The following ITPR3 variants were observed in gnomAD, a reference collection of about 807,000 sequenced individuals.
The protein encoded by ITPR3 is inositol 1,4,5-trisphosphate-gated calcium channel ITPR3.
In ITPR3, 173 loss-of-function variants were observed where a neutral mutation model predicts 293.2. The observed-to-expected ratio is 0.59, with a 90% CI of 0.52 to 0.67. The LOEUF (loss-of-function observed/expected upper bound fraction) is 0.67. Among genes scored for constraint, ITPR3 ranks in the 30% least tolerant of loss-of-function variants. The pLI, the probability that ITPR3 is intolerant of heterozygous loss-of-function variation, is 0.00. For synonymous variants in ITPR3, 1,295 were observed against 1,444.4 expected, an observed-to-expected ratio of 0.90 and a Z score of 2.35; for missense variants, 2,796 against 3,592.1, an observed-to-expected ratio of 0.78 and a Z score of 5.66.
intron 1 of ITPR3, among the ~76,000 whole-genome samples, chr6:33,634,769 G>C (rs1763778293): frequency 6.6e-6 from 1 of 152,142 alleles, no homozygotes; most frequent in African/African-American, 2.4e-5. Flanking sequence ...GTCCAGAGGG[G>C]TGAGGAAAAA....
At chr6:33,689,891 G>T (rs1452111272) in intron 50 of ITPR3, 143 bp from the exon 51 acceptor site, 21 of 894,988 alleles carry the variant, frequency 2.3e-5, no homozygotes, top group Non-Finnish European at 3.4e-5. Flanking sequence ...TGTATTCTGA[G>T]TCCCAGGCGC....
At chr6:33,677,169 C>A in intron 27 of ITPR3, 80 bp downstream of exon 27, 1 of 1,307,444 alleles carries the variant, frequency 7.6e-7, no homozygotes, top group African/African-American at 1.5e-5. Flanking sequence ...GCCCCCTGTG[C>A]CTCTCCCTGT....
chr6:33,630,332 T>G (rs1763645996), intron 1 of ITPR3, among the ~76,000 whole-genome samples: 1 of 152,198 alleles, frequency 6.6e-6, no homozygotes, highest in African/African-American at 2.4e-5. Flanking sequence ...CAGGGCGAGT[T>G]GGCCTGAGGG....
At chr6:33,685,603 G>C (rs756215106) in intron 40 of ITPR3, 40 bp from the exon 41 acceptor site, 3 of 1,587,216 alleles carry the variant, frequency 1.9e-6, no homozygotes, top group Non-Finnish European at 2.6e-6. Context: ...GGGTGGCCAA[G>C]GGGGTGGGCA....
Position 33,667,934 on chromosome 6 carries a change from T to C in ITPR3, c.1856T>C (p.Val619Ala). The change falls in exon 16 of 58, where the codon GTC becomes GCC. Residue 619 changes from valine to alanine, a missense_variant. Transcript: ENST00000605930. The surrounding 1 kb of genome is among the most constrained non-coding windows in gnomAD (Gnocchi z 4.4). ...HITKTEVETF[V>A]SLVRKNREPR... ...ACCAAGACCGAGGTGGAGACCTTCGTCAGCCTTGTGCGCAAGAACCGGGAG... is the reference window on the plus strand; with the variant it reads ...ACCAAGACCGAGGTGGAGACCTTCGCCAGCCTTGTGCGCAAGAACCGGGAG... 6.2e-7 allele frequency: 1 copy of C among 1,614,210 alleles called. No homozygotes were observed. Among genetic ancestry groups the C allele is most frequent in the Non-Finnish European group, 8.5e-7 (1 of 1,180,032 alleles).
In ITPR3 at chr6:33,633,777, C is replaced by G. The variant is rs1238367162; in HGVS notation, c.90-6707C>G. 1.7e-5 allele frequency among the ~76,000 whole-genome samples: 2 copies of G among 118,190 alleles called. No individual in the cohort carries two copies. The highest frequency in any genetic ancestry group is 5.6e-4 in the East Asian group (2 of 3,574). The allele number at this position is 118,190 out of a possible 152,430, so 77.5% of individuals were successfully genotyped here. A position where few individuals can be genotyped will look rare whatever the true frequency, so the allele number is the denominator to read the frequency against. ...GCGGGGGCGGGGCCGGGGCCGGGGC[C>G]GGACGCCCGGAGCTCGCGGGCCGGG... On this transcript the variant is annotated intron_variant, in intron 1 of 57. Coordinates refer to ENST00000605930, the MANE Select transcript of ITPR3 (RefSeq NM_002224.4). This position sits in a 1 kb window ranked among gnomAD's most constrained non-coding sequence, Gnocchi z 5.2.
Position 33,686,499 on chromosome 6 carries a change from G to A in ITPR3, c.5959G>A (p.Asp1987Asn), listed in dbSNP as rs1369800548. The A allele has an allele frequency of 6.2e-7, 1 of 1,614,182 alleles. No individual in the cohort carries two copies. The highest frequency in any genetic ancestry group is 1.3e-5 in the African/African-American group (1 of 75,072). Reference protein sequence around the residue: ...DISPLCKYRMDLVLQLKDNAS... With the variant: ...DISPLCKYRMNLVLQLKDNAS... Reference sequence around the variant, plus strand: ...CAGCCCCCTGTGCAAGTACCGCATGGATCTGGTGCTGCAGCTCAAGGTGGG... The same window carrying A: ...CAGCCCCCTGTGCAAGTACCGCATGAATCTGGTGCTGCAGCTCAAGGTGGG... The change falls in exon 43 of 58, where the codon GAT (aspartate) becomes AAT (asparagine). Residue 1987 changes from aspartate to asparagine, a missense_variant. Asp to Asn is a conservative substitution (Grantham distance 23, BLOSUM62 1). Around this residue, in one of 8 missense-constraint regions of ITPR3, gnomAD observed 704 missense variants for 797.5 expected, o/e 0.88. Transcript: ENST00000605930.
chr6:33,646,113 G>A (rs952095514), intron 2 of ITPR3, among the ~76,000 whole-genome samples: 25 of 152,178 alleles, frequency 1.6e-4, no homozygotes, highest in Admixed American at 1.4e-3. Context: ...TAGGATTACA[G>A]GCGTGAGCCA....
chr6:33,687,453 G>C lies in ITPR3; in HGVS notation c.6178-25G>C, dbSNP rs1447163231. 3 of 1,598,368 alleles carry C rather than the reference G, an allele frequency of 1.9e-6. No homozygotes were observed. The South Asian group carries it at 3.4e-5, about 18-fold the overall frequency. On this transcript the variant is annotated intron_variant, in intron 45 of 57. Transcript: ENST00000605930. This position sits in a 1 kb window ranked among gnomAD's most constrained non-coding sequence, Gnocchi z 5.3. Reference sequence around the variant, plus strand: ...CATGTCCCCCAGCCACCACACCCTGGTGACTGTGCTGCCATTTCCCTCAGC... The same window carrying C: ...CATGTCCCCCAGCCACCACACCCTGCTGACTGTGCTGCCATTTCCCTCAGC...
Position 33,667,665 on chromosome 6 carries a change from C to T in ITPR3, c.1714-127C>T. On this transcript the variant is annotated intron_variant, in intron 15 of 57. Transcript: ENST00000605930. The surrounding 1 kb of genome is among the most constrained non-coding windows in gnomAD (Gnocchi z 4.4). ...TCTTCTGCCCAGCGATGCTTCCTTT[C>T]CTGGACCTCTGCCTTTCTAGGGTAT... 9.7e-7 allele frequency: 1 copy of T among 1,029,396 alleles called. No homozygotes were observed. Among genetic ancestry groups the T allele is most frequent in the Non-Finnish European group, 1.4e-6 (1 of 710,262 alleles). The allele number at this position is 1,029,396 out of a possible 1,614,324, so 63.8% of individuals were successfully genotyped here. A position where few individuals can be genotyped will look rare whatever the true frequency, so the allele number is the denominator to read the frequency against.
intron 48 of ITPR3, 36 bp from the exon 49 acceptor site, chr6:33,688,620 G>A (rs1234127248): frequency 1.9e-6 from 3 of 1,612,468 alleles, no homozygotes; most frequent in Non-Finnish European, 1.7e-6. Flanking sequence ...TGCTCACCAG[G>A]GCCCTCCAGC....
At position 33,684,422 on chromosome 6, in the gene ITPR3, C is replaced by G. The variant is rs756353157; in HGVS notation, c.5003C>G (p.Thr1668Ser). The G allele has an allele frequency of 3.1e-6, 5 of 1,614,056 alleles. No homozygotes were observed. The highest frequency in any genetic ancestry group is 3.4e-6 in the Non-Finnish European group (4 of 1,179,956). Residue 1668 changes from threonine (T) to serine (S), a missense_variant, in exon 37 of 58, where the codon ACC becomes AGC. Thr to Ser is a moderately conservative substitution (Grantham distance 58). Coordinates refer to ENST00000605930, the MANE Select transcript of ITPR3 (RefSeq NM_002224.4). The surrounding 1 kb of genome is among the most constrained non-coding windows in gnomAD (Gnocchi z 4.2). ...EEKLCIKVLR[T>S]LQQMLLKKTK... is the part of the protein sequence containing the mutation. ...AAGCTGTGCATCAAGGTGCTGCGGA[C>G]CCTGCAGCAGATGCTGCTCAAGAAG... is the stretch of plus-strand genomic sequence containing the variant.
intron 20 of ITPR3, 54 bp from the exon 21 acceptor site, chr6:33,671,111 C>A: frequency 6.2e-7 from 1 of 1,604,800 alleles, no homozygotes; most frequent in Middle Eastern, 1.7e-4. Context: ...CCACGAAGCC[C>A]CGCCCCTACG....
At chr6:33,629,716 G>A (rs1415243045) in intron 1 of ITPR3, among the ~76,000 whole-genome samples, 2 of 151,872 alleles carry the variant, frequency 1.3e-5, no homozygotes, top group African/African-American at 4.8e-5. Context: ...CTAACCTCAG[G>A]TGATCTGCCC....
Position 33,675,582 on chromosome 6 carries a change from CT to C in ITPR3, c.3117-108del. 8.1e-7 allele frequency: 1 copy of C among 1,231,480 alleles called. No individual in the cohort carries two copies. The highest frequency in any genetic ancestry group is 1.1e-6 in the Non-Finnish European group (1 of 894,984). The allele number at this position is 1,231,480 out of a possible 1,614,324, so 76.3% of individuals were successfully genotyped here. A position where few individuals can be genotyped will look rare whatever the true frequency, so the allele number is the denominator to read the frequency against. ...AAACACATTTAGACTGGCCCTGCAT[CT>C]GCTAATTGGGTGGCGGAGAGTGTGC... On this transcript the variant is annotated intron_variant, in intron 24 of 57. Transcript: ENST00000605930. This position sits in a 1 kb window ranked among gnomAD's most constrained non-coding sequence, Gnocchi z 5.0.
intron 48 of ITPR3, 26 bp downstream of exon 48, chr6:33,688,457 G>C: frequency 2.3e-6 from 1 of 439,786 alleles, no homozygotes; most frequent in Non-Finnish European, 4.4e-6. Flanking sequence ...CGGGAGGGTG[G>C]GGCGGTCTGG....
At chr6:33,651,323 A>G (rs1186122862) in intron 2 of ITPR3, among the ~76,000 whole-genome samples, 1 of 151,044 alleles carries the variant, frequency 6.6e-6, no homozygotes, top group East Asian at 1.9e-4. Flanking sequence ...TCTAGGATGA[A>G]GGTACCTTCC....
Position 33,682,721 on chromosome 6 carries a change from A to G in ITPR3, c.4597+77A>G, listed in dbSNP as rs1765111764. 1 of 1,509,102 alleles carries G rather than the reference A, an allele frequency of 6.6e-7. No homozygotes were observed. Among genetic ancestry groups the G allele is most frequent in the Middle Eastern group, 1.7e-4 (1 of 5,784 alleles). The allele number at this position is 1,509,102 out of a possible 1,614,324, so 93.5% of individuals were successfully genotyped here. ...CAGTGGGGACGCCTGCCCTCCTAAT[A>G]AACACTTTATCCCTAAGCTCGCCCA... On this transcript the variant is annotated intron_variant, in intron 34 of 57. Coordinates refer to ENST00000605930, the MANE Select transcript of ITPR3 (RefSeq NM_002224.4). This position sits in a 1 kb window ranked among gnomAD's most constrained non-coding sequence, Gnocchi z 5.4.
chr6:33,626,350 A>T (rs1164732233), intron 1 of ITPR3, among the ~76,000 whole-genome samples: 1 of 152,168 alleles, frequency 6.6e-6, no homozygotes, highest in African/African-American at 2.4e-5. Flanking sequence ...TAAAAAAAAA[A>T]TTTCAGCTCC....
Sources: gnomAD v4.1 joint callset for allele counts (sites outside exome capture counted in the v4.1 genomes callset) on GRCh38, gnomAD v4.1.1 for gene constraint, gnomAD v4.1.1 regional missense constraint, Gnocchi (gnomAD v3.1) non-coding constraint, MANE v1.5 for transcripts, NCBI Gene and HGNC (gene_info 2026-07-23, HGNC 2026-07-21) for gene names.